The following CEP89 variants were observed in gnomAD, a reference collection of about 807,000 sequenced individuals.
CEP89 encodes the protein centrosomal protein 89.
CEP89 carries 95 observed loss-of-function variants against 97.6 expected under a neutral mutation model. The observed-to-expected ratio is 0.97, with a 90% confidence interval of 0.82 to 1.15. The LOEUF is 1.15. Ranked by LOEUF, CEP89 falls within the 50% of genes most tolerant of loss-of-function variation. CEP89 has a pLI of 0.00. For synonymous variants in CEP89, 354 were observed against 349.1 expected (o/e 1.01, Z -0.16); for missense variants, 869 against 947.7 (o/e 0.92, Z 1.09).
chr19:32,915,300 G>GA (rs372853413), intron 14 of CEP89, 37 bp downstream of exon 14: 239,032 of 1,118,644 alleles, frequency 0.21, no homozygotes, highest in Non-Finnish European at 0.22. Context: ...CTCGAAAAAA[G>GA]AAAAAAAAAA....
intron 1 of CEP89, chr19:32,969,597 C>A (rs1488544078): frequency 1.3e-5 from 2 of 152,464 alleles, no homozygotes; most frequent in African/African-American, 4.8e-5. Context: ...GTGAAGGGGG[C>A]TGTCCTTCCT....
In CEP89 at chr19:32,915,625, T is replaced by G. The variant is rs1213833885; in HGVS notation, c.1385-108A>C. On this transcript the variant is annotated intron_variant, in intron 13 of 18. Coordinates refer to ENST00000305768, the MANE Select transcript of CEP89 (RefSeq NM_032816.5). Reference sequence around the variant, plus strand: ...AGAGTCAGCTGATAAAAATGACCTTTTAAAGATCTTTTGAGCCAGACGTGG... The same window carrying G: ...AGAGTCAGCTGATAAAAATGACCTTGTAAAGATCTTTTGAGCCAGACGTGG... 7.6e-6 allele frequency: 8 copies of G among 1,051,608 alleles called. No individual in the cohort carries two copies. In the East Asian group the frequency reaches 1.9e-4, roughly 24 times the overall value. The allele number at this position is 1,051,608 out of a possible 1,614,324, so 65.1% of individuals were successfully genotyped here. A position where few individuals can be genotyped will look rare whatever the true frequency, so the allele number is the denominator to read the frequency against.
chr19:32,960,809 CA>C (rs35468327), intron 2 of CEP89, among the ~76,000 whole-genome samples: 20 of 147,208 alleles, frequency 1.4e-4, no homozygotes, highest in Admixed American at 3.4e-4. Context: ...GTCTCCATCT[CA>C]AAAAAAAAAA....
chr19:32,895,631 G>A (rs1969623733), intron 16 of CEP89, among the ~76,000 whole-genome samples: 1 of 151,774 alleles, frequency 6.6e-6, no homozygotes, highest in Non-Finnish European at 1.5e-5. Flanking sequence ...AGTCAGGCAA[G>A]AGAAAGAAAT....
chr19:32,956,935 A>G (rs947710877), intron 3 of CEP89, among the ~76,000 whole-genome samples: 25 of 152,316 alleles, frequency 1.6e-4, no homozygotes, highest in Admixed American at 9.2e-4. Context: ...TTCATTCATT[A>G]GGAATTTATT....
At position 32,960,039 on chromosome 19, in the gene CEP89, T is replaced by G. The variant is rs1395336390; in HGVS notation, c.166A>C (p.Ile56Leu). The G allele has an allele frequency of 1.2e-6, 2 of 1,614,098 alleles. No individual in the cohort carries two copies. Among genetic ancestry groups the G allele is most frequent in the East Asian group, 4.5e-5 (2 of 44,896 alleles). ...ERPRSALAAA[I>L]LATTLTGRTV... ...CGCCCAGTCAATGTTGTCGCCAGAATGGCTGCTGCCAGAGCAGATCTGCGG... is the reference window on the plus strand; with the variant it reads ...CGCCCAGTCAATGTTGTCGCCAGAAGGGCTGCTGCCAGAGCAGATCTGCGG... The change falls in exon 3 of 19, where the codon ATT (isoleucine) becomes CTT (leucine). Residue 56 changes from isoleucine to leucine, a missense_variant. Ile to Leu is a conservative substitution (Grantham distance 5, BLOSUM62 2). Transcript: ENST00000305768.
At chr19:32,886,331 A>T (rs8104299) in intron 17 of CEP89, among the ~76,000 whole-genome samples, 3 of 152,214 alleles carry the variant, frequency 2.0e-5, no homozygotes, top group South Asian at 4.1e-4. Context: ...TGGGAGCGAC[A>T]GTTGGGCCAG....
chr19:32,931,490 T>A lies in CEP89; in HGVS notation c.968A>T (p.His323Leu), dbSNP rs776618483. 1 of 1,595,488 alleles carries A rather than the reference T, an allele frequency of 6.3e-7. No individual in the cohort carries two copies. The highest frequency in any genetic ancestry group is 1.4e-5 in the African/African-American group (1 of 73,902). Residue 323 changes from histidine to leucine, a missense_variant, in exon 9 of 19, where the codon CAT becomes CTT. His to Leu is a moderately conservative substitution (Grantham distance 99, BLOSUM62 -3). Coordinates refer to ENST00000305768, the MANE Select transcript of CEP89 (RefSeq NM_032816.5). ...TCGACTGAGTTCTACATTCAAACGA[T>A]GGACAGTCATTTTCAATCCATCATT... ...DENDGLKMTV[H>L]RLNVELSRYQ...
intron 12 of CEP89, among the ~76,000 whole-genome samples, chr19:32,921,218 T>C (rs1970240801): frequency 1.6e-5 from 2 of 125,304 alleles, no homozygotes; most frequent in South Asian, 2.6e-4. Flanking sequence ...CAAGACTCTG[T>C]CTCAAAAAAA....
At chr19:32,907,136 G>A (rs1969903830) in intron 14 of CEP89, among the ~76,000 whole-genome samples, 1 of 152,180 alleles carries the variant, frequency 6.6e-6, no homozygotes, top group Non-Finnish European at 1.5e-5. Context: ...AAGGCAGGAG[G>A]GTCACTTGAG....
Position 32,881,838 on chromosome 19 carries a change from C to A in CEP89, c.2135+6G>T. 1.3e-6 allele frequency: 2 copies of A among 1,597,708 alleles called. No homozygotes were observed. Among genetic ancestry groups the A allele is most frequent in the Non-Finnish European group, 1.7e-6 (2 of 1,177,172 alleles). On this transcript the variant is annotated splice_donor_region_variant and intron_variant, in intron 18 of 18. Transcript: ENST00000305768. ...TGCGGGCCATGGCGCAGGGCGCATGCCCCACCTGTTCTGCTGCAGCGCCTG... is the reference window on the plus strand; with the variant it reads ...TGCGGGCCATGGCGCAGGGCGCATGACCCACCTGTTCTGCTGCAGCGCCTG...
In CEP89 at chr19:32,880,464, A is replaced by T. The variant is rs148102827; in HGVS notation, c.2136-1086T>A. On this transcript the variant is annotated intron_variant, in intron 18 of 18. Coordinates refer to ENST00000305768, the MANE Select transcript of CEP89 (RefSeq NM_032816.5). Reference sequence around the variant, plus strand: ...CAGCCTGGGCAACATGTGAGACCTCATCTCTACAAAAAACTTAAAAATTAG... The same window carrying T: ...CAGCCTGGGCAACATGTGAGACCTCTTCTCTACAAAAAACTTAAAAATTAG... 2.5e-3 allele frequency among the ~76,000 whole-genome samples: 383 copies of T among 152,066 alleles called. 2 individuals are homozygous for T. Among genetic ancestry groups the T allele is most frequent in the Non-Finnish European group, 4.5e-3 (307 of 67,962 alleles).
intron 3 of CEP89, among the ~76,000 whole-genome samples, chr19:32,954,265 C>T (rs181862779): frequency 2.6e-5 from 4 of 152,232 alleles, no homozygotes; most frequent in East Asian, 1.9e-4. Flanking sequence ...AATTTTCCAC[C>T]GTCCCATCTC....
At chr19:32,887,029 C>CA (rs35547876) in intron 17 of CEP89, among the ~76,000 whole-genome samples, 7,992 of 130,878 alleles carry the variant, frequency 0.061, 728 homozygotes, top group African/African-American at 0.2. Context: ...AAAAAAAATA[C>CA]AAAAAAAAAA....
At chr19:32,906,495 T>C (rs1348439942) in intron 14 of CEP89, among the ~76,000 whole-genome samples, 6 of 152,148 alleles carry the variant, frequency 3.9e-5, no homozygotes, top group Non-Finnish European at 8.8e-5. Flanking sequence ...ATTTTATGTA[T>C]TCTTAAATCC....
chr19:32,964,497 T>C (rs914645071), intron 2 of CEP89, among the ~76,000 whole-genome samples: 2 of 152,122 alleles, frequency 1.3e-5, no homozygotes, highest in Non-Finnish European at 2.9e-5. Flanking sequence ...ACAGCAGCCT[T>C]TTTCTAGTAA....
rs573049170 is a variant in CEP89, at chr19:32,963,122, G to C, written c.147-3064C>G. Among the ~76,000 whole-genome samples, 21 of 152,300 alleles carry C rather than the reference G, an allele frequency of 1.4e-4. No individual in the cohort carries two copies. The South Asian group carries it at 4.1e-3, about 30-fold the overall frequency. Reference sequence around the variant, plus strand: ...TGTAATCCCAGCACTTTGGGAGGCCGAGGCGGGTGGATCACTTAAGGTCAG... The same window carrying C: ...TGTAATCCCAGCACTTTGGGAGGCCCAGGCGGGTGGATCACTTAAGGTCAG... On this transcript the variant is annotated intron_variant, in intron 2 of 18. Transcript: ENST00000305768.
chr19:32,886,138 G>C (rs940639800), intron 17 of CEP89, among the ~76,000 whole-genome samples: 2 of 151,314 alleles, frequency 1.3e-5, no homozygotes, highest in African/African-American at 4.9e-5. Context: ...TCTCTAGCCA[G>C]CTACCTAGTG....
At chr19:32,891,354 A>ACAC (rs1568545946) in intron 16 of CEP89, among the ~76,000 whole-genome samples, 13,105 of 150,990 alleles carry the variant, frequency 0.087, 712 homozygotes, top group Middle Eastern at 0.16. Context: ...CACACACACA[A>ACAC]ACACACACAC....
Sources: gnomAD v4.1 joint callset for allele counts (sites outside exome capture counted in the v4.1 genomes callset) on GRCh38, gnomAD v4.1.1 for gene constraint, MANE v1.5 for transcripts, NCBI Gene and HGNC (gene_info 2026-07-23, HGNC 2026-07-21) for gene names.